ANK2: variants seen among roughly 807,000 people sequenced by gnomAD.
ANK2 encodes ankyrin-2.
In ANK2, 83 loss-of-function variants were observed where a neutral mutation model predicts 360.5. The ratio of observed to expected loss-of-function variants is 0.23; its 90% CI spans 0.19 to 0.28. ANK2 has a LOEUF of 0.28. ANK2 is among the 10% of genes least tolerant of loss of function. ANK2 has a pLI of 1.00. For synonymous variants in ANK2, 1,740 were observed against 1,759.5 expected (o/e 0.99, Z 0.28); for missense variants, 4,201 against 4,795.7 (o/e 0.88, Z 3.66).
intron 2 of ANK2, among the ~76,000 whole-genome samples, chr4:113,037,840 C>T (rs2061943876): frequency 1.3e-5 from 2 of 151,928 alleles, no homozygotes. Context: ...TGTTAAGGTC[C>T]AGCACAAATG....
At chr4:112,983,218 C>A (rs1377856948) in intron 2 of ANK2, among the ~76,000 whole-genome samples, 1 of 152,076 alleles carries the variant, frequency 6.6e-6, no homozygotes, top group Non-Finnish European at 1.5e-5. Flanking sequence ...TAACGTATTT[C>A]ATTGCCTTCA....
In ANK2 at chr4:113,041,621, G is replaced by A. The variant is rs544861427; in HGVS notation, c.22-132795G>A. Reference sequence around the variant, plus strand: ...GAAATATTTTCCATAAGCTAACAGGGCCATCTTACTACATGGTTCACAAGG... The same window carrying A: ...GAAATATTTTCCATAAGCTAACAGGACCATCTTACTACATGGTTCACAAGG... On this transcript the variant is annotated intron_variant, in intron 2 of 30. Transcript: ENST00000503271. 1.5e-4 allele frequency among the ~76,000 whole-genome samples: 23 copies of A among 152,232 alleles called. No individual in the cohort carries two copies. In the South Asian group the frequency reaches 2.3e-3, roughly 15 times the overall value.
the ANK2 span, among the ~76,000 whole-genome samples, chr4:112,709,856 A>G: frequency 6.6e-6 from 1 of 152,212 alleles, no homozygotes; most frequent in East Asian, 1.9e-4. Context: ...GAGACTTGGA[A>G]GAGCTTTAAG....
chr4:113,196,442 G>A lies in ANK2; in HGVS notation c.261G>A (p.Gly87=), dbSNP rs145502481. The A allele has an allele frequency of 1.0e-4, 166 of 1,613,392 alleles. No individual in the cohort carries two copies. In the African/African-American group the frequency reaches 1.9e-3, roughly 19 times the overall value. ...VGLVQELLGR[G]SSVDSATKKG... ...TGGTGCAGGAGCTGCTGGGAAGAGG[G>A]TCCTCTGTGGATTCTGCCACTAAGG... The change falls in exon 3 of 46, where the codon GGG becomes GGA. Residue 87 remains glycine (G), a synonymous_variant. Transcript: ENST00000357077.
chr4:113,039,542 T>G (rs2062434607), intron 2 of ANK2, among the ~76,000 whole-genome samples: 1 of 152,032 alleles, frequency 6.6e-6, no homozygotes, highest in South Asian at 2.1e-4. Flanking sequence ...TATTTTTTTT[T>G]TCTCACTCTC....
At chr4:113,277,772 TAAA>T (rs1482630387) in intron 15 of ANK2, 62 bp from the exon 16 acceptor site, 1 of 1,353,774 alleles carries the variant, frequency 7.4e-7, no homozygotes, top group Non-Finnish European at 1.1e-6. Context: ...TGTTAACAAA[TAAA>T]AAGATTTTTT....
rs1379339582 is a variant in ANK2, at chr4:113,357,245, T to C, written c.8627T>C (p.Val2876Ala). The change falls in exon 38 of 46, where the codon GTC (valine) becomes GCC (alanine). Residue 2876 changes from valine to alanine, a missense_variant. Val to Ala is a moderately conservative substitution (Grantham distance 64). This residue lies in a region of ANK2 where 2,642 missense variants were observed against 2,714.5 expected (regional missense o/e 0.97). Coordinates refer to ENST00000357077, the MANE Select transcript of ANK2 (RefSeq NM_001148.6). ...ACATCTTCTATTCAAAAAACAGAGG[T>C]CACAAAAACTGATGAAACATTTGAG... ...SATSSIQKTE[V>A]TKTDETFENL... The C allele has an allele frequency of 2.5e-6, 4 of 1,613,662 alleles. No homozygotes were observed. Among genetic ancestry groups the C allele is most frequent in the African/African-American group, 2.7e-5 (2 of 74,832 alleles).
chr4:113,278,442 T>G lies in ANK2; in HGVS notation c.1783-18T>G, dbSNP rs1316433907. On this transcript the variant is annotated intron_variant, in intron 16 of 45. Coordinates refer to ENST00000357077, the MANE Select transcript of ANK2 (RefSeq NM_001148.6). ...ACCCTAATTTATTAATGCTGAAACT[T>G]AAACACACCCTTTACAGAACGGCCT... The G allele has an allele frequency of 1.2e-6, 2 of 1,612,304 alleles. No individual in the cohort carries two copies. The highest frequency in any genetic ancestry group is 1.7e-6 in the Non-Finnish European group (2 of 1,178,576).
intron 1 of ANK2, among the ~76,000 whole-genome samples, chr4:113,066,966 A>C (rs1472404942): frequency 1.3e-5 from 2 of 151,928 alleles, no homozygotes; most frequent in Non-Finnish European, 2.9e-5. Context: ...GCATTATGTG[A>C]GTGTTTTGTT....
intron 18 of ANK2, among the ~76,000 whole-genome samples, chr4:113,285,027 T>G (rs138883383): frequency 1.3e-5 from 2 of 152,080 alleles, no homozygotes; most frequent in Non-Finnish European, 2.9e-5. Context: ...CCATCTATCA[T>G]AAAATAAAAC....
At chr4:113,306,964 G>A (rs1309488303) in intron 23 of ANK2, among the ~76,000 whole-genome samples, 1 of 152,240 alleles carries the variant, frequency 6.6e-6, no homozygotes, top group East Asian at 1.9e-4. Context: ...AATCGTCTAA[G>A]TCTTTGTAGG....
chr4:113,061,826 T>C (rs900994386), intron 1 of ANK2, among the ~76,000 whole-genome samples: 1 of 152,144 alleles, frequency 6.6e-6, no homozygotes, highest in African/African-American at 2.4e-5. Flanking sequence ...ATAATGTAAT[T>C]GTACATTTAA....
chr4:113,072,742 ATTTTTTTTT>A lies in ANK2; in HGVS notation c.84+22945_84+22953del, dbSNP rs34098456. On this transcript the variant is annotated intron_variant, in intron 1 of 45. Transcript: ENST00000357077. The stretch of plus-strand genomic sequence containing the variant: ...TCCCTTAAAATAGACACTTGGCATA[ATTTTTTTTT>A]TTTTTTTTTTTTTTGCTGTCTTGTC... 1.3e-4 allele frequency among the ~76,000 whole-genome samples: 10 copies of A among 74,248 alleles called. 1 individual carries two copies. Among genetic ancestry groups the A allele is most frequent in the Admixed American group, 3.2e-4 (2 of 6,198 alleles). The allele number at this position is 74,248 out of a possible 152,430, so 48.7% of individuals were successfully genotyped here. A position where few individuals can be genotyped will look rare whatever the true frequency, so the allele number is the denominator to read the frequency against.
At chr4:113,117,395 G>A (rs955675508) in intron 1 of ANK2, 1 of 456,222 alleles carries the variant, frequency 2.2e-6, no homozygotes, top group Non-Finnish European at 4.4e-6. Context: ...AATCCCCAGA[G>A]AACGTATGGA....
rs753792956 is a variant in ANK2, at chr4:113,354,977, G to A, written c.6359G>A (p.Gly2120Glu). ...VPKEKMADEQ[G>E]DMDLQISPDR... ...AAAGAAAAGATGGCTGATGAGCAGG[G>A]AGACATGGATCTACAGATCAGCCCA... Residue 2120 changes from glycine (G) to glutamate (E), a missense_variant, in exon 38 of 46, where the codon GGA becomes GAA. Physicochemically the swap from Gly to Glu is moderately conservative, Grantham distance 98 (BLOSUM62 -2). This residue lies in a region of ANK2 where 2,642 missense variants were observed against 2,714.5 expected (regional missense o/e 0.97). Coordinates refer to ENST00000357077, the MANE Select transcript of ANK2 (RefSeq NM_001148.6). 1 of 1,614,026 alleles carries A rather than the reference G, an allele frequency of 6.2e-7. No individual in the cohort carries two copies. The highest frequency in any genetic ancestry group is 2.2e-5 in the East Asian group (1 of 44,834).
chr4:112,944,011 C>T (rs758041811), intron 2 of ANK2, among the ~76,000 whole-genome samples: 1 of 152,198 alleles, frequency 6.6e-6, no homozygotes, highest in African/African-American at 2.4e-5. Context: ...TCCTTAATTA[C>T]AGAAGCCTGA....
chr4:112,726,271 C>G, the ANK2 span, among the ~76,000 whole-genome samples: 1 of 152,072 alleles, frequency 6.6e-6, no homozygotes. Context: ...GATCATGTTT[C>G]GAGTTATGCC....
intron 1 of ANK2, among the ~76,000 whole-genome samples, chr4:113,115,666 A>G (rs1200576294): frequency 6.6e-6 from 1 of 152,198 alleles, no homozygotes; most frequent in Non-Finnish European, 1.5e-5. Flanking sequence ...CATCCACATT[A>G]GTATTTTCCC....
the ANK2 span, among the ~76,000 whole-genome samples, chr4:112,722,282 T>C: frequency 6.6e-6 from 1 of 152,146 alleles, no homozygotes. Context: ...CCTCACTAAC[T>C]CTCTCTGCAA....
Sources: gnomAD v4.1 joint callset for allele counts (sites outside exome capture counted in the v4.1 genomes callset) on GRCh38, gnomAD v4.1.1 for gene constraint, gnomAD v4.1.1 regional missense constraint, MANE v1.5 for transcripts, NCBI Gene and HGNC (gene_info 2026-07-23, HGNC 2026-07-21) for gene names.